Variants in ALG6 observed in about 807,000 individuals in gnomAD.
ALG6 encodes dolichyl pyrophosphate Man9GlcNAc2 alpha-1,3-glucosyltransferase.
A neutral mutation model predicts 66.6 loss-of-function variants in ALG6; 46 were observed. The observed-to-expected ratio is 0.69, with a 90% CI of 0.55 to 0.88. ALG6 has a LOEUF of 0.88. Ranked by LOEUF, ALG6 falls within the 40% of genes least tolerant of loss-of-function variation. The pLI, the probability that ALG6 is intolerant of heterozygous loss-of-function variation, is 0.00. For synonymous variants in ALG6, 185 were observed against 203.7 expected, an observed-to-expected ratio of 0.91 and a Z score of 0.78; for missense variants, 505 against 586.8, an observed-to-expected ratio of 0.86 and a Z score of 1.44.
intron 7 of ALG6, 126 bp downstream of exon 7, chr1:63,407,252 A>G (rs998568851): frequency 4.4e-6 from 3 of 689,246 alleles, no homozygotes; most frequent in Non-Finnish European, 7.7e-6. Context: ...CTATTTCACA[A>G]TAATATAAAA....
chr1:63,385,184 CTTTTTTTTTTTTTTTT>C (rs1165046824), intron 2 of ALG6, among the ~76,000 whole-genome samples: 4 of 58,954 alleles, frequency 6.8e-5, no homozygotes, highest in African/African-American at 6.6e-5. Flanking sequence ...TTTACTTCTT[CTTTTTTTTTTTTTTTT>C]TTTTTTTTTT....
chr1:63,371,512 T>G (rs1647924123), intron 2 of ALG6, among the ~76,000 whole-genome samples: 1 of 152,210 alleles, frequency 6.6e-6, no homozygotes. Context: ...CAGGTACCTA[T>G]TTAGCACGTC....
rs559108855 is a variant in ALG6, at chr1:63,401,264, G to A, written c.168-990G>A. 2.1e-4 allele frequency among the ~76,000 whole-genome samples: 32 copies of A among 152,238 alleles called. No homozygotes were observed. In the East Asian group the frequency reaches 2.7e-3, roughly 13 times the overall value. On this transcript the variant is annotated intron_variant, in intron 3 of 14. Transcript: ENST00000263440. ...AACTGACACTAAGAATAGACCTTCC[G>A]AAGATGATTAATAGGTTATTTGATG...
At chr1:63,412,983 T>C (rs1644524053) in intron 9 of ALG6, among the ~76,000 whole-genome samples, 1 of 152,166 alleles carries the variant, frequency 6.6e-6, no homozygotes, top group Non-Finnish European at 1.5e-5. Flanking sequence ...AGTTTGGTGT[T>C]GTGAAGGAAC....
In ALG6 at chr1:63,396,583, A is replaced by G; in HGVS notation, c.153A>G (p.Leu51=). ...ACTGGCAAGAAATAACTTTTAATTT[A>G]CCGGTCAAACAATGGTATGATAATT... ...QRHWQEITFN[L]PVKQWYFNSS... is the part of the protein sequence containing the mutation. Residue 51 remains leucine, a synonymous_variant, in exon 3 of 15, where the codon TTA becomes TTG. Coordinates refer to ENST00000263440, the MANE Select transcript of ALG6 (RefSeq NM_013339.4). 6.2e-7 allele frequency: 1 copy of G among 1,613,400 alleles called. No individual in the cohort carries two copies. Among genetic ancestry groups the G allele is most frequent in the Non-Finnish European group, 8.5e-7 (1 of 1,179,372 alleles).
intron 5 of ALG6, among the ~76,000 whole-genome samples, chr1:63,406,040 T>G (rs1251336534): frequency 3.9e-5 from 6 of 152,148 alleles, no homozygotes; most frequent in Admixed American, 3.9e-4. Flanking sequence ...TGAATATTTT[T>G]AAGTCCAAGT....
chr1:63,370,263 C>CA (rs771476602), intron 1 of ALG6, among the ~76,000 whole-genome samples: 5 of 151,432 alleles, frequency 3.3e-5, no homozygotes, highest in Non-Finnish European at 5.9e-5. Context: ...AGGCTCATTT[C>CA]TCTAAGATGG....
chr1:63,429,293 A>G (rs1164210140), intron 14 of ALG6, among the ~76,000 whole-genome samples, 167 bp downstream of exon 14: 1 of 152,176 alleles, frequency 6.6e-6, no homozygotes, highest in Non-Finnish European at 1.5e-5. Context: ...GATTTGCACA[A>G]CTATCACCAT....
intron 12 of ALG6, among the ~76,000 whole-genome samples, chr1:63,425,904 G>A (rs1183860818): frequency 2.0e-5 from 3 of 152,094 alleles, no homozygotes; most frequent in Non-Finnish European, 2.9e-5. Flanking sequence ...TGAAGATCTC[G>A]GTAGGATCAA....
At chr1:63,394,435 A>C (rs1276324319) in intron 2 of ALG6, among the ~76,000 whole-genome samples, 3 of 151,474 alleles carry the variant, frequency 2.0e-5, no homozygotes, top group Non-Finnish European at 2.9e-5. Context: ...GCTGGAGTGC[A>C]GTGGCGCAAT....
intron 12 of ALG6, among the ~76,000 whole-genome samples, chr1:63,421,055 TAAA>T (rs921422715): frequency 7.1e-6 from 1 of 141,536 alleles, no homozygotes; most frequent in Admixed American, 7.1e-5. Flanking sequence ...AGACACTTAT[TAAA>T]AAAAAAAAAG....
rs768372697 is a variant in ALG6, at chr1:63,404,533, G to T, written c.338G>T (p.Arg113Leu). 6.2e-7 allele frequency: 1 copy of T among 1,613,200 alleles called. No homozygotes were observed. The highest frequency in any genetic ancestry group is 1.7e-4 in the Middle Eastern group (1 of 6,056). ...YESQAHKLFM[R>L]TTVLIADLLI... The stretch of plus-strand genomic sequence containing the variant: ...AGTCAGGCACATAAGCTCTTCATGC[G>T]TACAACAGGTAAAAGAGCAATGGGT... The change falls in exon 5 of 15, where the codon CGT becomes CTT. Residue 113 changes from arginine (R) to leucine (L), a missense_variant. Coordinates refer to ENST00000263440, the MANE Select transcript of ALG6 (RefSeq NM_013339.4).
At chr1:63,385,441 G>T (rs1044114518) in intron 2 of ALG6, among the ~76,000 whole-genome samples, 4 of 151,944 alleles carry the variant, frequency 2.6e-5, no homozygotes, top group Admixed American at 2.6e-4. Context: ...TTGAACTCCT[G>T]ACCTTGTGAT....
At chr1:63,382,665 GTTTTTTTTTTTTTGT>G (rs776355925) in intron 2 of ALG6, among the ~76,000 whole-genome samples, 24 of 93,580 alleles carry the variant, frequency 2.6e-4, no homozygotes, top group African/African-American at 4.7e-4. Flanking sequence ...GTTTTTTTTT[GTTTTTTTTTTTTTGT>G]TTTTTTTTTT....
chr1:63,423,565 G>A (rs1355858687), intron 12 of ALG6, among the ~76,000 whole-genome samples: 3 of 151,842 alleles, frequency 2.0e-5, no homozygotes. Flanking sequence ...AAATCTCTGT[G>A]GATTTGTCTA....
At chr1:63,400,222 C>CATATATATATATATAT (rs1557587305) in intron 3 of ALG6, among the ~76,000 whole-genome samples, 3 of 12,260 alleles carry the variant, frequency 2.4e-4, no homozygotes, top group Admixed American at 1.4e-3. Flanking sequence ...TATATATATA[C>CATATATATATATATAT]GTATATATAT....
At chr1:63,422,991 G>A (rs979134125) in intron 12 of ALG6, among the ~76,000 whole-genome samples, 1 of 150,592 alleles carries the variant, frequency 6.6e-6, no homozygotes, top group African/African-American at 2.4e-5. Context: ...AAAAATGAGA[G>A]GAGAAGAACT....
At chr1:63,376,889 G>C (rs185416785) in intron 2 of ALG6, among the ~76,000 whole-genome samples, 2 of 152,048 alleles carry the variant, frequency 1.3e-5, no homozygotes, top group Admixed American at 1.3e-4. Context: ...CAGTTATTAA[G>C]AGAGCTGTAG....
rs1405504486 is a variant in ALG6, at chr1:63,433,281, A to G, written c.1327-3542A>G. Reference sequence around the variant, plus strand: ...ATTTATATTTTTGAGTACTACATAGAGGATTGCCCAAAGTACCCAGATAAC... The same window carrying G: ...ATTTATATTTTTGAGTACTACATAGGGGATTGCCCAAAGTACCCAGATAAC... On this transcript the variant is annotated intron_variant, in intron 14 of 14. Transcript: ENST00000263440. This position sits in a 1 kb window ranked among gnomAD's most constrained non-coding sequence, Gnocchi z 4.2. Among the ~76,000 whole-genome samples the G allele has an allele frequency of 6.6e-6, 1 of 152,230 alleles. No homozygotes were observed. Among genetic ancestry groups the G allele is most frequent in the Non-Finnish European group, 1.5e-5 (1 of 68,042 alleles).
Sources: allele counts gnomAD v4.1 joint callset (sites outside exome capture counted in the v4.1 genomes callset), GRCh38; gene constraint gnomAD v4.1.1; non-coding constraint Gnocchi (gnomAD v3.1); transcripts MANE v1.5; gene names NCBI Gene and HGNC (gene_info 2026-07-23, HGNC 2026-07-21).